Variants in ZNF444 observed in about 807,000 individuals in gnomAD.
The protein encoded by ZNF444 is zinc finger protein 444, also known as endothelial zinc finger protein 2.
In ZNF444, 8 loss-of-function variants were observed where a neutral mutation model predicts 14.4. The observed-to-expected ratio is 0.56, with a 90% confidence interval of 0.33 to 1.00. The LOEUF (loss-of-function observed/expected upper bound fraction) is 1.00. Among genes scored for constraint, ZNF444 ranks in the 50% least tolerant of loss-of-function variants. The pLI, the probability that ZNF444 is intolerant of heterozygous loss-of-function variation, is 0.03. For synonymous variants in ZNF444, 258 were observed against 235.9 expected (o/e 1.09, Z -0.86); for missense variants, 510 against 504.8 (o/e 1.01, Z -0.10).
intron 3 of ZNF444, among the ~76,000 whole-genome samples, chr19:56,148,569 C>T (rs1007042335): frequency 1.3e-5 from 2 of 152,034 alleles, no homozygotes; most frequent in Admixed American, 6.6e-5. Flanking sequence ...TCATGCGGCC[C>T]GACCAGCCCC....
upstream of ZNF444, among the ~76,000 whole-genome samples, chr19:56,138,596 G>A (rs1162154769): frequency 6.6e-6 from 1 of 152,126 alleles, no homozygotes; most frequent in Non-Finnish European, 1.5e-5. Flanking sequence ...CTGAGCCACT[G>A]GACTCCAGTC....
At chr19:56,137,198 C>T (rs546254453), upstream of ZNF444, among the ~76,000 whole-genome samples, 69 of 151,420 alleles carry the variant, frequency 4.6e-4, no homozygotes, top group African/African-American at 1.5e-3. Flanking sequence ...AGGCCTGGCG[C>T]GGTGGCTCAC....
At chr19:56,151,821 G>T in intron 3 of ZNF444, 1 of 429,322 alleles carries the variant, frequency 2.3e-6, no homozygotes. Flanking sequence ...TGTGGATTGG[G>T]GTTTCTTGGC....
At chr19:56,136,518 C>T (rs573344478), upstream of ZNF444, among the ~76,000 whole-genome samples, 16 of 152,236 alleles carry the variant, frequency 1.1e-4, no homozygotes, top group African/African-American at 3.6e-4. Flanking sequence ...CTTTTATCAG[C>T]GACTCCACTG....
chr19:56,140,899 G>A (rs2030753030), upstream of ZNF444: 1 of 152,052 alleles, frequency 6.6e-6, no homozygotes. Flanking sequence ...TTTTTTCCCG[G>A]CACTTCTGCG....
chr19:56,159,398 TCCATCATCCAGCCAG>T (rs1192501730), intron 4 of ZNF444, among the ~76,000 whole-genome samples: 1 of 152,078 alleles, frequency 6.6e-6, no homozygotes, highest in Non-Finnish European at 1.5e-5. Flanking sequence ...CATCTACCCA[TCCATCATCCAGCCAG>T]CCATCATCTA....
chr19:56,138,515 C>T (rs1265056565), upstream of ZNF444, among the ~76,000 whole-genome samples: 1 of 152,064 alleles, frequency 6.6e-6, no homozygotes, highest in Non-Finnish European at 1.5e-5. Flanking sequence ...CACCTGTAGT[C>T]TCAGCTACTC....
intron 4 of ZNF444, among the ~76,000 whole-genome samples, chr19:56,159,365 C>G (rs1329031846): frequency 1.3e-5 from 2 of 152,124 alleles, no homozygotes; most frequent in Non-Finnish European, 2.9e-5. Context: ...TCCACCCACG[C>G]ATTCTTCATC....
chr19:56,155,399 G>A (rs2031846796), intron 3 of ZNF444: 1 of 152,214 alleles, frequency 6.6e-6, no homozygotes, highest in Non-Finnish European at 1.5e-5. Flanking sequence ...TCCATCCCTG[G>A]CAGAGGCCGA....
rs2031257627 is a variant in ZNF444, at chr19:56,147,311, G to A, written c.297+103G>A. The A allele has an allele frequency of 5.4e-6, 7 of 1,288,444 alleles. No homozygotes were observed. The highest frequency in any genetic ancestry group is 1.8e-5 in the South Asian group (1 of 56,348). 79.8% of individuals were successfully genotyped at this position (1,288,444 alleles called of 1,614,324 possible). ...CACCACTGAACCCCTGAAAACCAGTGTGACTCGCGGTGGGGAGGCTGCGGT... is the reference window on the plus strand; with the variant it reads ...CACCACTGAACCCCTGAAAACCAGTATGACTCGCGGTGGGGAGGCTGCGGT... On this transcript the variant is annotated intron_variant, in intron 3 of 4. Coordinates refer to ENST00000337080, the MANE Select transcript of ZNF444 (RefSeq NM_018337.4). This position sits in a 1 kb window ranked among gnomAD's most constrained non-coding sequence, Gnocchi z 5.9.
Position 56,144,959 on chromosome 19 carries a change from C to T in ZNF444, c.-196-1288C>T, listed in dbSNP as rs1019576991. Among the ~76,000 whole-genome samples, 9 of 152,236 alleles carry T rather than the reference C, an allele frequency of 5.9e-5. No homozygotes were observed. The highest frequency in any genetic ancestry group is 1.9e-4 in the African/African-American group (8 of 41,462). ...GCAGTCTTGTCCTGTAAAGAGCCAG[C>T]GAGTGACTATCTTTGGCTCTGTGGA... On this transcript the variant is annotated intron_variant, in intron 1 of 4. Transcript: ENST00000337080. This position sits in a 1 kb window ranked among gnomAD's most constrained non-coding sequence, Gnocchi z 4.0.
At position 56,160,183 on chromosome 19, in the gene ZNF444, G is replaced by C. The variant is rs566678113; in HGVS notation, c.966G>C (p.Pro322=). The part of the protein sequence containing the change: ...APGPDGGGPF[P]PWPLG Reference sequence around the variant, plus strand: ...GCCCGGATGGTGGAGGCCCCTTCCCGCCCTGGCCCTTGGGTTAGCCGCCTC... The same window carrying C: ...GCCCGGATGGTGGAGGCCCCTTCCCCCCCTGGCCCTTGGGTTAGCCGCCTC... The change falls in exon 5 of 5, where the codon CCG becomes CCC. Residue 322 remains proline, a synonymous_variant. Transcript: ENST00000337080. 2 of 1,464,312 alleles carry C rather than the reference G, an allele frequency of 1.4e-6. No homozygotes were observed. The highest frequency in any genetic ancestry group is 1.5e-5 in the African/African-American group (1 of 67,298). The allele number at this position is 1,464,312 out of a possible 1,614,324, so 90.7% of individuals were successfully genotyped here. A position where few individuals can be genotyped will look rare whatever the true frequency, so the allele number is the denominator to read the frequency against.
In ZNF444 at chr19:56,158,099, T is replaced by G. The variant is rs116768414; in HGVS notation, c.298-395T>G. ...ACGAAGCTGATCTGAGACAGGTGTATTAGTTATTTCTTGCTTCCTGACAAG... is the reference window on the plus strand; with the variant it reads ...ACGAAGCTGATCTGAGACAGGTGTAGTAGTTATTTCTTGCTTCCTGACAAG... On this transcript the variant is annotated intron_variant, in intron 3 of 4. Transcript: ENST00000337080. 1,082 of 164,294 alleles carry G rather than the reference T, an allele frequency of 6.6e-3. 16 individuals are homozygous for G. The highest frequency in any genetic ancestry group is 0.024 in the African/African-American group (1,013 of 42,070). 10.2% of individuals were successfully genotyped at this position (164,294 alleles called of 1,614,324 possible). A position where few individuals can be genotyped will look rare whatever the true frequency, so the allele number is the denominator to read the frequency against.
rs1159364774 is a variant in ZNF444, at chr19:56,159,850, G to A, written c.633G>A (p.Glu211=). The change falls in exon 5 of 5, where the codon GAG becomes GAA. Residue 211 remains glutamate (E), a synonymous_variant. Coordinates refer to ENST00000337080, the MANE Select transcript of ZNF444 (RefSeq NM_018337.4). ...HSGEKPHACP[E]CGKAFRRKEH... ...GCGAGAAGCCGCACGCCTGCCCTGA[G>A]TGCGGGAAGGCCTTTCGGCGCAAGG... The A allele has an allele frequency of 1.3e-6, 2 of 1,552,770 alleles. No homozygotes were observed. The highest frequency in any genetic ancestry group is 1.7e-6 in the Non-Finnish European group (2 of 1,155,550).
At chr19:56,153,721 G>A (rs181582145) in intron 3 of ZNF444, among the ~76,000 whole-genome samples, 1 of 152,190 alleles carries the variant, frequency 6.6e-6, no homozygotes, top group South Asian at 2.1e-4. Flanking sequence ...AAAGCCAGTG[G>A]GGTAGGCCTG....
chr19:56,159,559 C>T (rs1399630518), intron 4 of ZNF444, 65 bp from the exon 5 acceptor site: 25 of 1,362,350 alleles, frequency 1.8e-5, no homozygotes, highest in Admixed American at 3.0e-5. Flanking sequence ...GCCTCCACCC[C>T]AGCCTGTGCT....
intron 4 of ZNF444, 152 bp downstream of exon 4, chr19:56,158,754 TG>T (rs1568564912): frequency 4.7e-6 from 3 of 643,410 alleles, no homozygotes; most frequent in East Asian, 3.1e-5. Context: ...GGGCGGGCAT[TG>T]GGGGTATGGG....
intron 1 of ZNF444, among the ~76,000 whole-genome samples, chr19:56,135,733 A>G (rs10410774): frequency 6.6e-6 from 1 of 151,584 alleles, no homozygotes; most frequent in Non-Finnish European, 1.5e-5. Flanking sequence ...GTGAGCGTCA[A>G]CCAATTGCTG....
chr19:56,153,245 C>T (rs1013869796), intron 3 of ZNF444, among the ~76,000 whole-genome samples: 1 of 152,150 alleles, frequency 6.6e-6, no homozygotes, highest in African/African-American at 2.4e-5. Flanking sequence ...AAATATATAG[C>T]CTTCTTGGCT....
Sources: gnomAD v4.1 joint callset for allele counts (sites outside exome capture counted in the v4.1 genomes callset) on GRCh38, gnomAD v4.1.1 for gene constraint, Gnocchi (gnomAD v3.1) non-coding constraint, MANE v1.5 for transcripts, NCBI Gene and HGNC (gene_info 2026-07-23, HGNC 2026-07-21) for gene names.